Variants in FGF12 observed in about 807,000 individuals in gnomAD.
FGF12 encodes the protein fibroblast growth factor 12.
FGF12 carries 14 observed loss-of-function variants against 23.6 expected under a neutral mutation model. The observed-to-expected ratio is 0.59, with a 90% CI of 0.39 to 0.93. The LOEUF (loss-of-function observed/expected upper bound fraction) is 0.93, where lower values mean the gene tolerates loss of function less well. Ranked by LOEUF, FGF12 falls within the 40% of genes least tolerant of loss-of-function variation. The pLI is 0.00. For missense variants in FGF12, 175 were observed against 217.8 expected (o/e 0.80, Z 1.24); for synonymous variants, 62 against 77.3 (o/e 0.80, Z 1.04).
intron 2 of FGF12, among the ~76,000 whole-genome samples, chr3:192,492,603 T>C (rs1380771713): frequency 6.6e-6 from 1 of 152,202 alleles, no homozygotes; most frequent in Non-Finnish European, 1.5e-5. Flanking sequence ...ATTAAAGTAA[T>C]TATTTTTATA....
chr3:192,315,478 A>G (rs1178281593), intron 4 of FGF12, among the ~76,000 whole-genome samples: 1 of 152,138 alleles, frequency 6.6e-6, no homozygotes, highest in African/African-American at 2.4e-5. Context: ...AGGTTATGAA[A>G]GTCCTGGACT....
intron 2 of FGF12, among the ~76,000 whole-genome samples, chr3:192,460,008 C>T (rs921183758): frequency 5.3e-5 from 8 of 151,774 alleles, no homozygotes; most frequent in Admixed American, 2.6e-4. Flanking sequence ...ATCTAGTCTT[C>T]GAGTCATGCA....
chr3:192,328,456 G>T (rs1194243214), intron 4 of FGF12, among the ~76,000 whole-genome samples: 3 of 152,118 alleles, frequency 2.0e-5, no homozygotes, highest in Non-Finnish European at 2.9e-5. Flanking sequence ...ATCACATGTT[G>T]GTACCTGAAG....
At chr3:192,374,957 C>G (rs560496885) in intron 2 of FGF12, among the ~76,000 whole-genome samples, 2 of 152,280 alleles carry the variant, frequency 1.3e-5, no homozygotes, top group East Asian at 3.9e-4. Context: ...CATTCCATTA[C>G]TTTGCTAACG....
At chr3:192,519,524 C>G (rs528762700) in intron 2 of FGF12, among the ~76,000 whole-genome samples, 2 of 152,076 alleles carry the variant, frequency 1.3e-5, no homozygotes, top group East Asian at 3.9e-4. Context: ...ACTAGATTTC[C>G]ATATTGTAAA....
At chr3:192,618,353 T>C (rs1714842847) in intron 2 of FGF12, among the ~76,000 whole-genome samples, 1 of 151,950 alleles carries the variant, frequency 6.6e-6, no homozygotes, top group Non-Finnish European at 1.5e-5. Context: ...TCAATGTGTA[T>C]CCCATGACCT....
chr3:192,655,755 A>AT (rs949261989), intron 2 of FGF12, among the ~76,000 whole-genome samples: 5 of 152,114 alleles, frequency 3.3e-5, no homozygotes, highest in African/African-American at 1.2e-4. Flanking sequence ...GAAGAAGATG[A>AT]TTTTCCCTAA....
At position 192,306,810 on chromosome 3, in the gene FGF12, G is replaced by A. The variant is rs1246495641; in HGVS notation, c.228+28551C>T. ...TAAATAAGAGGGACCTCTGGATAAT[G>A]AATGGATTTAAAAGGTCCAGCCTGT... On this transcript the variant is annotated intron_variant, in intron 4 of 5. Transcript: ENST00000445105. Among the ~76,000 whole-genome samples the A allele has an allele frequency of 2.0e-5, 3 of 152,294 alleles. No homozygotes were observed. In the East Asian group the frequency reaches 5.8e-4, roughly 29 times the overall value.
At chr3:192,159,135 T>C (rs1037304140) in intron 5 of FGF12, among the ~76,000 whole-genome samples, 11 of 152,210 alleles carry the variant, frequency 7.2e-5, no homozygotes, top group Non-Finnish European at 1.3e-4. Context: ...TCAAAAGAAC[T>C]TTAATATTCA....
chr3:192,505,460 A>G (rs1419122998), intron 2 of FGF12, among the ~76,000 whole-genome samples: 1 of 152,236 alleles, frequency 6.6e-6, no homozygotes, highest in Non-Finnish European at 1.5e-5. Context: ...AGGAAACAAA[A>G]CATATTAATG....
intron 2 of FGF12, among the ~76,000 whole-genome samples, chr3:192,670,818 G>A (rs1371380523): frequency 1.3e-5 from 2 of 152,164 alleles, no homozygotes; most frequent in African/African-American, 2.4e-5. Context: ...ATGGGGACCC[G>A]AAGGATAGTT....
intron 2 of FGF12, among the ~76,000 whole-genome samples, chr3:192,366,553 T>C (rs1718993495): frequency 6.6e-6 from 1 of 152,184 alleles, no homozygotes. Flanking sequence ...CTGTATGAGG[T>C]ACTCTTTTCT....
At chr3:192,292,972 G>T (rs1319534032) in intron 4 of FGF12, among the ~76,000 whole-genome samples, 1 of 151,874 alleles carries the variant, frequency 6.6e-6, no homozygotes, top group Non-Finnish European at 1.5e-5. Flanking sequence ...TAAGATGGGG[G>T]TCATGCTAAG....
chr3:192,471,249 T>A (rs1212355741), intron 2 of FGF12, among the ~76,000 whole-genome samples: 1 of 152,188 alleles, frequency 6.6e-6, no homozygotes, highest in Non-Finnish European at 1.5e-5. Flanking sequence ...GGAACAGAGC[T>A]TTCTCTGAGT....
intron 2 of FGF12, among the ~76,000 whole-genome samples, chr3:192,413,257 C>T (rs1173450962): frequency 6.6e-6 from 1 of 152,174 alleles, no homozygotes; most frequent in African/African-American, 2.4e-5. Context: ...AGATTACATC[C>T]AGGGCTCTGT....
At chr3:192,698,811 C>A (rs973841855) in intron 2 of FGF12, among the ~76,000 whole-genome samples, 3 of 152,138 alleles carry the variant, frequency 2.0e-5, no homozygotes, top group Non-Finnish European at 2.9e-5. Flanking sequence ...GATCTTCCCC[C>A]AAAAGGTGAG....
intron 2 of FGF12, among the ~76,000 whole-genome samples, chr3:192,536,887 A>G (rs1725237022): frequency 1.3e-5 from 2 of 152,076 alleles, no homozygotes; most frequent in African/African-American, 4.8e-5. Flanking sequence ...GCTATCGAAT[A>G]CTAGATCTTA....
At chr3:192,158,382 C>CTTTCTTTCTTTCTTCTTTCTTTCT in intron 5 of FGF12, among the ~76,000 whole-genome samples, 1 of 81,540 alleles carries the variant, frequency 1.2e-5, no homozygotes, top group Non-Finnish European at 2.5e-5. Flanking sequence ...TTCTTTCTTT[C>CTTTCTTTCTTTCTTCTTTCTTTCT]TTTTCTTTCT....
At chr3:192,529,087 G>A (rs1284411823) in intron 2 of FGF12, among the ~76,000 whole-genome samples, 2 of 152,166 alleles carry the variant, frequency 1.3e-5, no homozygotes, top group Non-Finnish European at 2.9e-5. Flanking sequence ...CTCAGAAAAT[G>A]GGATTTTCTT....
Sources: allele counts gnomAD v4.1 joint callset (sites outside exome capture counted in the v4.1 genomes callset), GRCh38; gene constraint gnomAD v4.1.1; transcripts MANE v1.5; gene names NCBI Gene and HGNC (gene_info 2026-07-23, HGNC 2026-07-21).